The following FYB2 variants were observed in gnomAD, a reference collection of about 807,000 sequenced individuals.
FYB2 encodes FYN binding protein 2.
A neutral mutation model predicts 94.1 loss-of-function variants in FYB2; 103 were observed. That is an observed-to-expected ratio of 1.09 (90% CI 0.93 to 1.29). The LOEUF is 1.29. Among genes scored for constraint, FYB2 ranks in the 50% most tolerant of loss-of-function variants. FYB2 has a pLI of 0.00. For synonymous variants in FYB2, 293 were observed against 287.9 expected (o/e 1.02, Z -0.18); for missense variants, 896 against 841.5 (o/e 1.06, Z -0.80).
At position 56,719,665 on chromosome 1, in the gene FYB2, A is replaced by G. The variant is rs765694450; in HGVS notation, c.*6T>C. ...GTGCAGTCCATAGCATTTGATCTTGATTTTTCTAAGGTGACCAACTTTGAT... is the reference window on the plus strand; with the variant it reads ...GTGCAGTCCATAGCATTTGATCTTGGTTTTTCTAAGGTGACCAACTTTGAT... On this transcript the variant is annotated 3_prime_UTR_variant, in exon 20 of 20. Coordinates refer to ENST00000343433, the MANE Select transcript of FYB2 (RefSeq NM_001004303.5). 7.5e-6 allele frequency: 12 copies of G among 1,598,348 alleles called. No homozygotes were observed. The highest frequency in any genetic ancestry group is 1.1e-5 in the South Asian group (1 of 90,136).
At chr1:56,761,846 T>C (rs1447841510) in intron 5 of FYB2, 1 of 152,168 alleles carries the variant, frequency 6.6e-6, no homozygotes, top group Non-Finnish European at 1.5e-5. Flanking sequence ...CATTTAGATG[T>C]CTCACCTTTG....
At chr1:56,788,889 C>T (rs1305933476) in intron 3 of FYB2, 84 bp downstream of exon 3, 3 of 1,541,688 alleles carry the variant, frequency 1.9e-6, no homozygotes, top group African/African-American at 2.7e-5. Flanking sequence ...GGAAAAGCAG[C>T]AGCGGCATCG....
intron 1 of FYB2, among the ~76,000 whole-genome samples, chr1:56,806,637 A>G (rs948706502): frequency 6.6e-6 from 1 of 152,156 alleles, no homozygotes; most frequent in African/African-American, 2.4e-5. Flanking sequence ...AAATCCCCTC[A>G]CTCAAGGCAC....
chr1:56,767,362 A>G (rs1645649056), intron 5 of FYB2, among the ~76,000 whole-genome samples: 1 of 152,238 alleles, frequency 6.6e-6, no homozygotes, highest in Admixed American at 6.5e-5. Flanking sequence ...GGTCAGATCC[A>G]TTAAATAAAT....
chr1:56,722,861 T>C (rs1644511882), intron 17 of FYB2, among the ~76,000 whole-genome samples: 1 of 152,038 alleles, frequency 6.6e-6, no homozygotes, highest in Non-Finnish European at 1.5e-5. Flanking sequence ...ATGAGGAGGA[T>C]GCACACTTTG....
chr1:56,738,256 C>A (rs1644873793), intron 14 of FYB2, among the ~76,000 whole-genome samples: 1 of 152,066 alleles, frequency 6.6e-6, no homozygotes, highest in Non-Finnish European at 1.5e-5. Flanking sequence ...GATATCAAGT[C>A]CTTCAAAAGG....
rs1644971404 is a variant in FYB2, at chr1:56,742,198, C to A, written c.1567G>T (p.Asp523Tyr). The change falls in exon 12 of 20, where the codon GAT (aspartate) becomes TAT (tyrosine). Residue 523 changes from aspartate (D) to tyrosine (Y), a missense_variant. By Grantham distance (160) the Asp-to-Tyr change is radical (BLOSUM62 -3). Transcript: ENST00000343433. ...SSEENRELYEDVYKTKNNYPK... is the reference protein window; with the variant it reads ...SSEENRELYEYVYKTKNNYPK... ...TAGTTGTTCTTTGTTTTGTAGACAT[C>A]TTCATACAGTTCTCTATTTTCTTCT... is the stretch of plus-strand genomic sequence containing the variant. The A allele has an allele frequency of 1.2e-6, 2 of 1,603,366 alleles. No homozygotes were observed. Among genetic ancestry groups the A allele is most frequent in the Admixed American group, 1.7e-5 (1 of 59,420 alleles).
At chr1:56,745,924 T>G (rs1305615632) in intron 9 of FYB2, among the ~76,000 whole-genome samples, 2 of 151,886 alleles carry the variant, frequency 1.3e-5, no homozygotes, top group Non-Finnish European at 2.9e-5. Flanking sequence ...GCCTCAGGGA[T>G]TTGCACTTTT....
chr1:56,759,613 T>C (rs1480824626), intron 5 of FYB2, among the ~76,000 whole-genome samples: 1 of 152,196 alleles, frequency 6.6e-6, no homozygotes, highest in Non-Finnish European at 1.5e-5. Context: ...AGCACATGAC[T>C]ATATTAATAA....
At chr1:56,733,230 A>G (rs746231738) in intron 15 of FYB2, among the ~76,000 whole-genome samples, 6 of 152,122 alleles carry the variant, frequency 3.9e-5, no homozygotes, top group Non-Finnish European at 7.4e-5. Flanking sequence ...AGAGGTGTTT[A>G]TAGTATTCTG....
At chr1:56,816,469 T>A (rs1442416257) in intron 1 of FYB2, among the ~76,000 whole-genome samples, 2 of 152,210 alleles carry the variant, frequency 1.3e-5, no homozygotes, top group African/African-American at 4.8e-5. Context: ...TGACACAGTC[T>A]CTGAAAGCAC....
intron 1 of FYB2, among the ~76,000 whole-genome samples, chr1:56,804,734 AATAAATAAATAAATAC>A (rs139766703): frequency 0.19 from 29,170 of 151,840 alleles, 3,536 homozygotes; most frequent in Non-Finnish European, 0.27. Context: ...CATCTCAATA[AATAAATAAATAAATAC>A]ATAAATAAAT....
chr1:56,812,201 G>C (rs1475542312), intron 1 of FYB2, among the ~76,000 whole-genome samples: 1 of 152,108 alleles, frequency 6.6e-6, no homozygotes, highest in Non-Finnish European at 1.5e-5. Context: ...CTTAGAGATG[G>C]GAAATCTGAA....
At chr1:56,722,387 A>G (rs925203428) in intron 17 of FYB2, among the ~76,000 whole-genome samples, 8 of 152,148 alleles carry the variant, frequency 5.3e-5, no homozygotes, top group Admixed American at 3.9e-4. Context: ...AGGAGCTCAT[A>G]GTGTAATATG....
chr1:56,818,154 T>C (rs1158600087), intron 1 of FYB2, among the ~76,000 whole-genome samples: 2 of 152,076 alleles, frequency 1.3e-5, no homozygotes, highest in Non-Finnish European at 2.9e-5. Context: ...AGGAGTTTCT[T>C]AAAAATTGCT....
intron 1 of FYB2, among the ~76,000 whole-genome samples, 156 bp from the exon 2 acceptor site, chr1:56,792,959 A>C: frequency 6.6e-6 from 1 of 152,162 alleles, no homozygotes; most frequent in East Asian, 1.9e-4. Context: ...GATATAACGC[A>C]ATTGCTTCTG....
chr1:56,791,183 T>G (rs1646255229), intron 2 of FYB2, among the ~76,000 whole-genome samples: 1 of 152,116 alleles, frequency 6.6e-6, no homozygotes, highest in Non-Finnish European at 1.5e-5. Flanking sequence ...TCAACAAATT[T>G]TTTTTTAGGA....
At chr1:56,759,112 A>G (rs1203571767) in intron 5 of FYB2, among the ~76,000 whole-genome samples, 1 of 152,230 alleles carries the variant, frequency 6.6e-6, no homozygotes, top group Non-Finnish European at 1.5e-5. Flanking sequence ...ATCCCACTTC[A>G]ACAAAATGAA....
At chr1:56,743,932 A>AT (rs1645012673) in intron 11 of FYB2, 94 bp downstream of exon 11, 1 of 1,361,608 alleles carries the variant, frequency 7.3e-7, no homozygotes, top group Non-Finnish European at 1.0e-6. Context: ...CATTATTAAA[A>AT]TATGAATAAT....
Sources: allele counts gnomAD v4.1 joint callset (sites outside exome capture counted in the v4.1 genomes callset), GRCh38; gene constraint gnomAD v4.1.1; transcripts MANE v1.5; gene names NCBI Gene and HGNC (gene_info 2026-07-23, HGNC 2026-07-21).